The following EPPK1 variants were observed in gnomAD, a reference collection of about 807,000 sequenced individuals.
The protein encoded by EPPK1 is epiplakin.
For missense variants in EPPK1, 3,823 were observed against 3,673.3 expected (o/e 1.04, Z -1.05); for synonymous variants, 1,862 against 1,721.2 (o/e 1.08, Z -2.03).
In EPPK1 at chr8:143,857,520, A is replaced by T. The variant is rs1439985545; in HGVS notation, c.*467T>A. ...AGCCCGGGGAGGAGGACCGAAATAG[A>T]GCCAGGGCACTAAATAGTAGACACT... On this transcript the variant is annotated 3_prime_UTR_variant, in exon 2 of 2. Transcript: ENST00000615648. 6.3e-6 allele frequency: 1 copy of T among 157,684 alleles called. No homozygotes were observed. The highest frequency in any genetic ancestry group is 1.4e-5 in the Non-Finnish European group (1 of 71,852). The allele number at this position is 157,684 out of a possible 1,614,324, so 9.8% of individuals were successfully genotyped here.
Position 143,868,758 on chromosome 8 carries a change from C to T in EPPK1, c.4496G>A (p.Arg1499Gln), listed in dbSNP as rs1017745299. 3.0e-5 allele frequency: 48 copies of T among 1,588,754 alleles called. No individual in the cohort carries two copies. Among genetic ancestry groups the T allele is most frequent in the East Asian group, 9.1e-5 (4 of 43,882 alleles). ...GGTGGTGACTGCGCTGACCACCTGCCGCAGGGCCGCAGCCCTCCCAGACCG... is the reference window on the plus strand; with the variant it reads ...GGTGGTGACTGCGCTGACCACCTGCTGCAGGGCCGCAGCCCTCCCAGACCG... ...LCRSGRAAAL[R>Q]QVVSAVTTLV... Residue 1499 changes from arginine to glutamine, a missense_variant, in exon 2 of 2, where the codon CGG becomes CAG. Coordinates refer to ENST00000615648, the MANE Select transcript of EPPK1 (RefSeq NM_031308.4).
In EPPK1 at chr8:143,872,904, C is replaced by G. The variant is rs566009223; in HGVS notation, c.350G>C (p.Arg117Pro). Residue 117 changes from arginine (R) to proline (P), a missense_variant, in exon 2 of 2, where the codon CGT (arginine) becomes CCT (proline). Coordinates refer to ENST00000615648, the MANE Select transcript of EPPK1 (RefSeq NM_031308.4). ...ELKEKLLAAE[R>P]ATTGYPDPYG... ...GGGGTCAGGATAGCCCGTAGTGGCA[C>G]GCTCAGCGGCCAGCAGCTTCTCCTT... 2 of 1,606,036 alleles carry G rather than the reference C, an allele frequency of 1.2e-6. No homozygotes were observed. The highest frequency in any genetic ancestry group is 3.4e-5 in the Admixed American group (2 of 59,406).
rs544114371 is a variant in EPPK1, at chr8:143,870,455, G to A, written c.2799C>T (p.Gly933=). The change falls in exon 2 of 2, where the codon GGC becomes GGT. Residue 933 remains glycine (G), a synonymous_variant. Coordinates refer to ENST00000615648, the MANE Select transcript of EPPK1 (RefSeq NM_031308.4). This position sits in a 1 kb window ranked among gnomAD's most constrained non-coding sequence, Gnocchi z 5.2. ...RRYLCGLGAV[G]GVRLLPSGQR... ...GGCCAGAGGGCAGCAGCCGCACACCGCCCACAGCTCCCAGGCCGCACAGGT... is the reference window on the plus strand; with the variant it reads ...GGCCAGAGGGCAGCAGCCGCACACCACCCACAGCTCCCAGGCCGCACAGGT... The A allele has an allele frequency of 1.3e-5, 21 of 1,600,962 alleles. No individual in the cohort carries two copies. Among genetic ancestry groups the A allele is most frequent in the African/African-American group, 4.0e-5 (3 of 74,926 alleles).
At position 143,869,065 on chromosome 8, in the gene EPPK1, C is replaced by T. The variant is rs1819243032; in HGVS notation, c.4189G>A (p.Asp1397Asn). 6.2e-7 allele frequency: 1 copy of T among 1,608,756 alleles called. No individual in the cohort carries two copies. The highest frequency in any genetic ancestry group is 8.5e-7 in the Non-Finnish European group (1 of 1,179,842). Residue 1397 changes from aspartate (D) to asparagine (N), a missense_variant, in exon 2 of 2, where the codon GAC (aspartate) becomes AAC (asparagine). Transcript: ENST00000615648. The stretch of plus-strand genomic sequence containing the variant: ...TCAAAGAAGAACTTGTTGTCCTTGT[C>T]AACTGCAGTCAGCACCTGGCTCGTC... Reference protein sequence around the residue: ...TQTSQVLTAVDKDNKFFFDPS... With the variant: ...TQTSQVLTAVNKDNKFFFDPS...
In EPPK1 at chr8:143,858,001, G is replaced by A. The variant is rs782523266; in HGVS notation, c.15253C>T (p.Leu5085Phe). Residue 5085 changes from leucine to phenylalanine, a missense_variant, in exon 2 of 2, where the codon CTC (leucine) becomes TTC (phenylalanine). Leu to Phe is a conservative substitution (Grantham distance 22, BLOSUM62 0). Transcript: ENST00000615648. ...AGGAAGCCCAGTCACTGTAGAGAGAGAGAAAGAAATAGGAGCCCCGTCTCA... is the reference window on the plus strand; with the variant it reads ...AGGAAGCCCAGTCACTGTAGAGAGAAAGAAAGAAATAGGAGCCCCGTCTCA... ...DPETGLLFLS[L>F]SLQ 11 of 1,604,920 alleles carry A rather than the reference G, an allele frequency of 6.9e-6. No homozygotes were observed. Among genetic ancestry groups the A allele is most frequent in the Non-Finnish European group, 9.4e-6 (11 of 1,175,088 alleles).
rs1818913563 is a variant in EPPK1, at chr8:143,857,519, G to C, written c.*468C>G. On this transcript the variant is annotated 3_prime_UTR_variant, in exon 2 of 2. Coordinates refer to ENST00000615648, the MANE Select transcript of EPPK1 (RefSeq NM_031308.4). ...AAGCCCGGGGAGGAGGACCGAAATAGAGCCAGGGCACTAAATAGTAGACAC... is the reference window on the plus strand; with the variant it reads ...AAGCCCGGGGAGGAGGACCGAAATACAGCCAGGGCACTAAATAGTAGACAC... 1 of 157,362 alleles carries C rather than the reference G, an allele frequency of 6.4e-6. No individual in the cohort carries two copies. The highest frequency in any genetic ancestry group is 6.3e-5 in the Admixed American group (1 of 15,790). 9.7% of individuals were successfully genotyped at this position (157,362 alleles called of 1,614,324 possible). A position where few individuals can be genotyped will look rare whatever the true frequency, so the allele number is the denominator to read the frequency against.
In EPPK1 at chr8:143,870,982, A is replaced by G; in HGVS notation, c.2272T>C (p.Leu758=). ...CCCTTGGTGTCGTCAGAAGGGTCCA[A>G]CAGGATCAAGTTCAGCATCTGATCG... ...YFDQMLNLIL[L]DPSDDTKGFF... The change falls in exon 2 of 2, where the codon TTG becomes CTG. Residue 758 remains leucine, a synonymous_variant. Transcript: ENST00000615648. This position sits in a 1 kb window ranked among gnomAD's most constrained non-coding sequence, Gnocchi z 5.2. The G allele has an allele frequency of 6.2e-7, 1 of 1,613,394 alleles. No homozygotes were observed. Among genetic ancestry groups the G allele is most frequent in the Non-Finnish European group, 8.5e-7 (1 of 1,180,002 alleles).
Position 143,868,651 on chromosome 8 carries a change from T to C in EPPK1, c.4603A>G (p.Arg1535Gly), listed in dbSNP as rs782009256. Reference protein sequence around the residue: ...RKQVSARDLFRAQLISRKTLD... With the variant: ...RKQVSARDLFGAQLISRKTLD... The stretch of plus-strand genomic sequence containing the variant: ...GTCTTCCTGCTGATCAGCTGCGCCC[T>C]GAACAGGTCCCTGGCTGACACCTGC... Residue 1535 changes from arginine to glycine, a missense_variant, in exon 2 of 2, where the codon AGG (arginine) becomes GGG (glycine). Coordinates refer to ENST00000615648, the MANE Select transcript of EPPK1 (RefSeq NM_031308.4). The C allele has an allele frequency of 1.6e-4, 259 of 1,588,708 alleles. 1 individual carries two copies. Among genetic ancestry groups the C allele is most frequent in the Middle Eastern group, 1.7e-4 (1 of 6,058 alleles).
Position 143,868,440 on chromosome 8 carries a change from A to G in EPPK1, c.4814T>C (p.Leu1605Pro). 6.2e-7 allele frequency: 1 copy of G among 1,612,524 alleles called. No homozygotes were observed. The highest frequency in any genetic ancestry group is 8.5e-7 in the Non-Finnish European group (1 of 1,179,758). ...GAAGCCGGTAGCTGCCTGTGCCTCC[A>G]GCAGCACCAGGGCTGTGCCAGGCCG... ...ILRPGTALVL[L>P]EAQAATGFII... Residue 1605 changes from leucine to proline, a missense_variant, in exon 2 of 2, where the codon CTG (leucine) becomes CCG (proline). Leu to Pro is a moderately conservative substitution (Grantham distance 98). Transcript: ENST00000615648.
At chr8:143,877,331 G>C (rs1476298600) in intron 1 of EPPK1, among the ~76,000 whole-genome samples, 1 of 152,172 alleles carries the variant, frequency 6.6e-6, no homozygotes, top group African/African-American at 2.4e-5. Context: ...CGGAGCGAGG[G>C]GGGGCAGGGG....
rs1819389227 is a variant in EPPK1, at chr8:143,872,527, T to C, written c.727A>G (p.Ser243Gly). 6.2e-7 allele frequency: 1 copy of C among 1,601,120 alleles called. No individual in the cohort carries two copies. The change falls in exon 2 of 2, where the codon AGT becomes GGT. Residue 243 changes from serine (S) to glycine (G), a missense_variant. Transcript: ENST00000615648. ...CCCACCTCCAGCAGCTCAGCTGCAC[T>C]CACCGCCCCGCCCATGGAGCGGAAG... The part of the protein sequence containing the change: ...ITFRSMGGAV[S>G]AAELLEVGIL...
In EPPK1 at chr8:143,869,901, C is replaced by T; in HGVS notation, c.3353G>A (p.Ser1118Asn). ...CTCCTCGGTGGGGAGGGCAGGAGCA[C>T]TTTCTGGCAGGGGCAGGAGGTGAAG... ...SGLHLLPLPE[S>N]APALPTEEQV... The change falls in exon 2 of 2, where the codon AGT (serine) becomes AAT (asparagine). Residue 1118 changes from serine (S) to asparagine (N), a missense_variant. By Grantham distance (46) the Ser-to-Asn change is conservative. Transcript: ENST00000615648. 1 of 1,608,936 alleles carries T rather than the reference C, an allele frequency of 6.2e-7. No individual in the cohort carries two copies. Among genetic ancestry groups the T allele is most frequent in the Non-Finnish European group, 8.5e-7 (1 of 1,178,320 alleles).
At chr8:143,874,159 C>T (rs919251206) in intron 1 of EPPK1, among the ~76,000 whole-genome samples, 14 of 152,202 alleles carry the variant, frequency 9.2e-5, no homozygotes, top group East Asian at 7.7e-4. Flanking sequence ...GCTGCAGCCC[C>T]GGCATGCCCT....
chr8:143,868,188 C>T lies in EPPK1; in HGVS notation c.5066G>A (p.Gly1689Asp), dbSNP rs879994655. 6.2e-7 allele frequency: 1 copy of T among 1,612,932 alleles called. No homozygotes were observed. The highest frequency in any genetic ancestry group is 2.2e-5 in the East Asian group (1 of 44,870). ...RLLEAQIATG[G>D]IIDPVHSHRV... is the part of the protein sequence containing the mutation. ...GTGGCTGTGCACGGGGTCGATGATG[C>T]CGCCCGTGGCGATCTGGGCCTCCAG... The change falls in exon 2 of 2, where the codon GGC becomes GAC. Residue 1689 changes from glycine (G) to aspartate (D), a missense_variant. Physicochemically the swap from Gly to Asp is moderately conservative, Grantham distance 94. Coordinates refer to ENST00000615648, the MANE Select transcript of EPPK1 (RefSeq NM_031308.4).
Position 143,868,581 on chromosome 8 carries a change from G to C in EPPK1, c.4673C>G (p.Ala1558Gly). Residue 1558 changes from alanine (A) to glycine (G), a missense_variant, in exon 2 of 2, where the codon GCG becomes GGG. Coordinates refer to ENST00000615648, the MANE Select transcript of EPPK1 (RefSeq NM_031308.4). ...GGACCGCTTCACGCTGTCCATCTCCGCCACCTCCTTCACAGTCGTTGTCCC... is the reference window on the plus strand; with the variant it reads ...GGACCGCTTCACGCTGTCCATCTCCCCCACCTCCTTCACAGTCGTTGTCCC... ...SQGTTTVKEV[A>G]EMDSVKRSLE... The C allele has an allele frequency of 6.2e-7, 1 of 1,603,384 alleles. No homozygotes were observed. Among genetic ancestry groups the C allele is most frequent in the African/African-American group, 1.3e-5 (1 of 74,784 alleles).
intron 1 of EPPK1, among the ~76,000 whole-genome samples, chr8:143,874,254 C>T (rs546687981): frequency 2.6e-5 from 4 of 152,340 alleles, no homozygotes; most frequent in South Asian, 2.1e-4. Context: ...CACTCCTGCA[C>T]GTCAACTGCC....
Position 143,870,383 on chromosome 8 carries a change from G to A in EPPK1, c.2871C>T (p.Pro957=). The change falls in exon 2 of 2, where the codon CCC becomes CCT. Residue 957 remains proline (P), a synonymous_variant. Coordinates refer to ENST00000615648, the MANE Select transcript of EPPK1 (RefSeq NM_031308.4). The surrounding 1 kb of genome is among the most constrained non-coding windows in gnomAD (Gnocchi z 5.2). ...CCTCCAGCAGGGCCAGGGCCACCCT[G>A]GGCCCCAGCAGCTTCTGCCTCATGG... ...YQAMRQKLLG[P]RVALALLEAQ... The A allele has an allele frequency of 6.4e-7, 1 of 1,572,034 alleles. No homozygotes were observed. Among genetic ancestry groups the A allele is most frequent in the Non-Finnish European group, 8.6e-7 (1 of 1,164,594 alleles).
In EPPK1 at chr8:143,869,096, G is replaced by T; in HGVS notation, c.4158C>A (p.Asp1386Glu). 1 of 1,607,156 alleles carries T rather than the reference G, an allele frequency of 6.2e-7. No individual in the cohort carries two copies. The highest frequency in any genetic ancestry group is 8.5e-7 in the Non-Finnish European group (1 of 1,179,784). The change falls in exon 2 of 2, where the codon GAC becomes GAA. Residue 1386 changes from aspartate to glutamate, a missense_variant. By Grantham distance (45) the Asp-to-Glu change is conservative (BLOSUM62 2). Coordinates refer to ENST00000615648, the MANE Select transcript of EPPK1 (RefSeq NM_031308.4). ...QAAACRLGLLDTQTSQVLTAV... is the reference protein window; with the variant it reads ...QAAACRLGLLETQTSQVLTAV... The stretch of plus-strand genomic sequence containing the variant: ...CAGTCAGCACCTGGCTCGTCTGTGT[G>T]TCCAGAAGGCCGAGTCTGCAGGCTG...
At position 143,857,922 on chromosome 8, in the gene EPPK1, A is replaced by C. The variant is rs1395666621; in HGVS notation, c.*65T>G. On this transcript the variant is annotated 3_prime_UTR_variant, in exon 2 of 2. Transcript: ENST00000615648. ...AAAAAAAAAAAAAAAAAAAAAAACA[A>C]CCCAGACACACAAGTATGCCTCCAC... The C allele has an allele frequency of 1.2e-6, 1 of 800,510 alleles. No homozygotes were observed. The highest frequency in any genetic ancestry group is 1.8e-6 in the Non-Finnish European group (1 of 549,282). The allele number at this position is 800,510 out of a possible 1,614,324, so 49.6% of individuals were successfully genotyped here. A position where few individuals can be genotyped will look rare whatever the true frequency, so the allele number is the denominator to read the frequency against.
Sources: gnomAD v4.1 joint callset for allele counts (sites outside exome capture counted in the v4.1 genomes callset) on GRCh38, gnomAD v4.1.1 for gene constraint, Gnocchi (gnomAD v3.1) non-coding constraint, MANE v1.5 for transcripts, NCBI Gene and HGNC (gene_info 2026-07-23, HGNC 2026-07-21) for gene names.